Variants in RHEB observed in about 807,000 individuals in gnomAD.
RHEB encodes the protein GTP-binding protein Rheb.
In RHEB, 2 loss-of-function variants were observed where a neutral mutation model predicts 28.8. The ratio of observed to expected loss-of-function variants is 0.07; its 90% confidence interval spans 0.03 to 0.22. The LOEUF (loss-of-function observed/expected upper bound fraction) is 0.22. Ranked by LOEUF, RHEB falls within the 10% of genes least tolerant of loss-of-function variation. The pLI is 1.00. For missense variants in RHEB, 76 were observed against 219.9 expected (o/e 0.35, Z 4.14); for synonymous variants, 69 against 77.3 (o/e 0.89, Z 0.56).
chr7:151,469,462 G>A, intron 7 of RHEB, among the ~76,000 whole-genome samples: 1 of 152,118 alleles, frequency 6.6e-6, no homozygotes, highest in East Asian at 1.9e-4. Context: ...CCTCCGTGCT[G>A]CGGAGAGGGG....
In RHEB at chr7:151,498,137, A is replaced by C. The variant is rs73729821; in HGVS notation, c.53-7123T>G. 2.1e-3 allele frequency: 2,673 copies of C among 1,289,662 alleles called. 35 individuals carry two copies. The African/African-American group carries it at 0.033, about 16-fold the overall frequency. The allele number at this position is 1,289,662 out of a possible 1,614,324, so 79.9% of individuals were successfully genotyped here. On this transcript the variant is annotated intron_variant, in intron 1 of 7. Coordinates refer to ENST00000262187, the MANE Select transcript of RHEB (RefSeq NM_005614.4). Reference sequence around the variant, plus strand: ...ATGCACCTGTGCGCCCTGCAGAACTATAACACCACTCACAACAGGTGCGTA... The same window carrying C: ...ATGCACCTGTGCGCCCTGCAGAACTCTAACACCACTCACAACAGGTGCGTA...
chr7:151,497,420 G>A (rs1802693056), intron 1 of RHEB, among the ~76,000 whole-genome samples: 1 of 152,144 alleles, frequency 6.6e-6, no homozygotes, highest in Non-Finnish European at 1.5e-5. Context: ...CAATGTTTAG[G>A]AACCACTGCC....
chr7:151,473,165 G>A (rs116415805), intron 4 of RHEB, among the ~76,000 whole-genome samples: 2,522 of 152,290 alleles, frequency 0.017, 60 homozygotes, highest in African/African-American at 0.053. Flanking sequence ...TCCCTTTTGC[G>A]GTTAGGTTAT....
chr7:151,499,634 C>T (rs1802736311), intron 1 of RHEB, among the ~76,000 whole-genome samples: 1 of 152,178 alleles, frequency 6.6e-6, no homozygotes, highest in Non-Finnish European at 1.5e-5. Context: ...CAAGCCTTTC[C>T]CAAATTATGA....
chr7:151,507,505 G>A (rs1021599941), intron 1 of RHEB, among the ~76,000 whole-genome samples: 1 of 152,152 alleles, frequency 6.6e-6, no homozygotes, highest in Non-Finnish European at 1.5e-5. Context: ...GAGAGTGTGT[G>A]ATGCAGAACA....
At chr7:151,495,019 T>C (rs1008837189) in intron 1 of RHEB, among the ~76,000 whole-genome samples, 1 of 152,230 alleles carries the variant, frequency 6.6e-6, no homozygotes, top group African/African-American at 2.4e-5. Flanking sequence ...AGTTCAGATC[T>C]TTTGGTTAGG....
chr7:151,513,889 GA>G (rs1233086735), intron 1 of RHEB, among the ~76,000 whole-genome samples: 1 of 152,316 alleles, frequency 6.6e-6, no homozygotes. Flanking sequence ...TTTTTTGGCA[GA>G]AACTGGCAAT....
Position 151,492,859 on chromosome 7 carries a change from G to T in RHEB, c.53-1845C>A, listed in dbSNP as rs1195505933. ...CAACATTTTTTTTTTTTTTTTTTGA[G>T]ACGGAGTCTTGCTGTGTCACCCAGG... On this transcript the variant is annotated intron_variant, in intron 1 of 7. Coordinates refer to ENST00000262187, the MANE Select transcript of RHEB (RefSeq NM_005614.4). 1.2e-4 allele frequency among the ~76,000 whole-genome samples: 7 copies of T among 59,668 alleles called. 1 individual carries two copies. Among genetic ancestry groups the T allele is most frequent in the Admixed American group, 1.1e-3 (6 of 5,248 alleles). 39.1% of individuals were successfully genotyped at this position (59,668 alleles called of 152,430 possible).
rs1182041126 is a variant in RHEB at position 151,466,333 on chromosome 7, A to G, written c.*786T>C. 6.6e-6 allele frequency: 1 copy of G among 152,336 alleles called. No homozygotes were observed. The highest frequency in any genetic ancestry group is 1.5e-5 in the Non-Finnish European group (1 of 68,090). 9.4% of individuals were successfully genotyped at this position (152,336 alleles called of 1,614,324 possible). ...CTCAATCATCTCCTGTCTGACACGG[A>G]CATCGAGCTAAGCTATGAGCAAGGG... On this transcript the variant is annotated 3_prime_UTR_variant, in exon 8 of 8. Coordinates refer to ENST00000262187, the MANE Select transcript of RHEB (RefSeq NM_005614.4).
chr7:151,500,146 A>G (rs1802747424), intron 1 of RHEB, among the ~76,000 whole-genome samples: 1 of 152,234 alleles, frequency 6.6e-6, no homozygotes, highest in South Asian at 2.1e-4. Flanking sequence ...TACTTTCAAA[A>G]GCCACTAAGG....
chr7:151,493,092 C>T (rs764171192), intron 1 of RHEB, among the ~76,000 whole-genome samples: 1 of 152,086 alleles, frequency 6.6e-6, no homozygotes, highest in Non-Finnish European at 1.5e-5. Context: ...CCACCCGCCT[C>T]GGCCTCCCAA....
At chr7:151,489,333 C>T (rs1186744387) in intron 2 of RHEB, among the ~76,000 whole-genome samples, 1 of 152,184 alleles carries the variant, frequency 6.6e-6, no homozygotes, top group Non-Finnish European at 1.5e-5. Context: ...ATCCAGCACT[C>T]ACATTAATCT....
At chr7:151,491,594 G>A (rs1372073990) in intron 1 of RHEB, among the ~76,000 whole-genome samples, 1 of 152,112 alleles carries the variant, frequency 6.6e-6, no homozygotes, top group African/African-American at 2.4e-5. Context: ...AAAATTAGCT[G>A]GGTGTGGTGG....
chr7:151,499,616 T>C (rs1455213451), intron 1 of RHEB, among the ~76,000 whole-genome samples: 1 of 152,216 alleles, frequency 6.6e-6, no homozygotes. Context: ...CACAATCCCA[T>C]ATTCAATCAA....
intron 1 of RHEB, among the ~76,000 whole-genome samples, chr7:151,507,444 C>A (rs528115113): frequency 6.6e-6 from 1 of 152,180 alleles, no homozygotes; most frequent in South Asian, 2.1e-4. Context: ...AAGATGTTTA[C>A]GATTCTAATT....
chr7:151,466,179 C>T lies in RHEB; in HGVS notation c.*940G>A, dbSNP rs1802057304. The T allele has an allele frequency of 6.6e-6, 1 of 152,208 alleles. No homozygotes were observed. Among genetic ancestry groups the T allele is most frequent in the African/African-American group, 2.4e-5 (1 of 41,442 alleles). The allele number at this position is 152,208 out of a possible 1,614,324, so 9.4% of individuals were successfully genotyped here. A position where few individuals can be genotyped will look rare whatever the true frequency, so the allele number is the denominator to read the frequency against. On this transcript the variant is annotated 3_prime_UTR_variant, in exon 8 of 8. Transcript: ENST00000262187. ...AACAGCCACCAAACAAATGAAATCC[C>T]TCTTCTCCTTTACAGCTGCTCCTTG...
intron 1 of RHEB, among the ~76,000 whole-genome samples, chr7:151,492,618 T>TAAA (rs1299970761): frequency 8.0e-5 from 10 of 125,014 alleles, no homozygotes; most frequent in African/African-American, 2.7e-4. Flanking sequence ...CTCTGTCTTA[T>TAAA]AAAAAAAAAA....
intron 2 of RHEB, among the ~76,000 whole-genome samples, chr7:151,489,669 A>G (rs1382430149): frequency 6.6e-6 from 1 of 152,256 alleles, no homozygotes; most frequent in Non-Finnish European, 1.5e-5. Flanking sequence ...CTGCCATTGT[A>G]CAGCATGTAA....
intron 7 of RHEB, among the ~76,000 whole-genome samples, chr7:151,470,145 T>G (rs2150919902): frequency 6.6e-6 from 1 of 152,186 alleles, no homozygotes; most frequent in East Asian, 1.9e-4. Flanking sequence ...ATCATTTCTA[T>G]GTTAACAATT....
Sources: allele counts gnomAD v4.1 joint callset (sites outside exome capture counted in the v4.1 genomes callset), GRCh38; gene constraint gnomAD v4.1.1; transcripts MANE v1.5; gene names NCBI Gene and HGNC (gene_info 2026-07-23, HGNC 2026-07-21).